HS3ST4: variants seen among roughly 807,000 people sequenced by gnomAD.
HS3ST4 encodes heparan sulfate-glucosamine 3-sulfotransferase 4.
A neutral mutation model predicts 29.2 loss-of-function variants in HS3ST4; 17 were observed. The observed-to-expected ratio is 0.58, with a 90% CI of 0.40 to 0.87. The LOEUF (loss-of-function observed/expected upper bound fraction) is 0.87. HS3ST4 is among the 40% of genes least tolerant of loss of function. The pLI, the probability that HS3ST4 is intolerant of heterozygous loss-of-function variation, is 0.00. For missense variants in HS3ST4, 627 were observed against 634.5 expected (o/e 0.99, Z 0.13); for synonymous variants, 314 against 285.7 (o/e 1.10, Z -1.00).
intron 1 of HS3ST4, among the ~76,000 whole-genome samples, chr16:25,946,204 G>T (rs754837412): frequency 2.3e-4 from 35 of 152,194 alleles, no homozygotes; most frequent in Non-Finnish European, 4.4e-4. Flanking sequence ...TCCAATTGCA[G>T]GAGGCTTTTG....
At chr16:25,925,307 C>G (rs1299823820) in intron 1 of HS3ST4, among the ~76,000 whole-genome samples, 4 of 151,924 alleles carry the variant, frequency 2.6e-5, no homozygotes, top group Admixed American at 1.3e-4. Flanking sequence ...GACTCTAACC[C>G]TGTCTGTTAA....
intron 1 of HS3ST4, among the ~76,000 whole-genome samples, chr16:25,907,573 C>T (rs1968191647): frequency 6.6e-6 from 1 of 152,176 alleles, no homozygotes; most frequent in Non-Finnish European, 1.5e-5. Context: ...CATGGCTGGA[C>T]AGCTCAAAGC....
chr16:26,057,873 G>A (rs1898428364), intron 1 of HS3ST4, among the ~76,000 whole-genome samples: 1 of 152,192 alleles, frequency 6.6e-6, no homozygotes, highest in South Asian at 2.1e-4. Context: ...ATGCAGGTCT[G>A]GGCCAGGTAA....
At chr16:25,729,191 C>G (rs987801629) in intron 1 of HS3ST4, among the ~76,000 whole-genome samples, 2 of 152,090 alleles carry the variant, frequency 1.3e-5, no homozygotes, top group African/African-American at 4.8e-5. Context: ...GAGTGACAAA[C>G]CAAGAAATCC....
intron 1 of HS3ST4, among the ~76,000 whole-genome samples, chr16:26,077,708 A>G (rs535913608): frequency 1.2e-4 from 19 of 152,356 alleles, no homozygotes; most frequent in African/African-American, 3.8e-4. Context: ...AATGCAGTCA[A>G]TACAAAGGAC....
chr16:26,119,623 T>C (rs1268372123), intron 1 of HS3ST4, among the ~76,000 whole-genome samples: 1 of 152,134 alleles, frequency 6.6e-6, no homozygotes, highest in Non-Finnish European at 1.5e-5. Context: ...TGGGTATAAT[T>C]CTCTGCCTCA....
At chr16:25,783,420 A>G (rs1966854451) in intron 1 of HS3ST4, among the ~76,000 whole-genome samples, 2 of 152,098 alleles carry the variant, frequency 1.3e-5, no homozygotes, top group African/African-American at 4.8e-5. Flanking sequence ...GTTGTCATTG[A>G]AAATCACTTT....
chr16:26,074,163 C>G (rs1003859982), intron 1 of HS3ST4, among the ~76,000 whole-genome samples: 1 of 152,158 alleles, frequency 6.6e-6, no homozygotes, highest in Non-Finnish European at 1.5e-5. Context: ...ATACTCAGGA[C>G]CCTCTGAGGG....
intron 1 of HS3ST4, among the ~76,000 whole-genome samples, chr16:26,008,848 C>T (rs1969283005): frequency 6.6e-6 from 1 of 152,076 alleles, no homozygotes; most frequent in Non-Finnish European, 1.5e-5. Context: ...ACCCAAGATA[C>T]CAAGAGAGCA....
At chr16:26,135,488 A>C in intron 1 of HS3ST4, 124 bp from the exon 2 acceptor site, 2 of 941,692 alleles carry the variant, frequency 2.1e-6, no homozygotes, top group Non-Finnish European at 3.1e-6. Flanking sequence ...AGAACTTGCA[A>C]GAGTTTATCA....
intron 1 of HS3ST4, among the ~76,000 whole-genome samples, chr16:25,830,389 G>A (rs1048363938): frequency 4.6e-5 from 7 of 152,024 alleles, no homozygotes; most frequent in African/African-American, 1.4e-4. Flanking sequence ...AGAATCATAC[G>A]ATGTGTCCTG....
chr16:25,717,204 G>T (rs996296617), intron 1 of HS3ST4, among the ~76,000 whole-genome samples: 1 of 152,156 alleles, frequency 6.6e-6, no homozygotes, highest in Non-Finnish European at 1.5e-5. Context: ...AAATTATTCG[G>T]ACATGAATTC....
intron 1 of HS3ST4, among the ~76,000 whole-genome samples, chr16:26,083,696 C>T (rs1437821224): frequency 2.6e-5 from 4 of 151,644 alleles, no homozygotes; most frequent in Non-Finnish European, 5.9e-5. Context: ...TCTAGACAGA[C>T]ACAGGCTGAC....
chr16:26,089,882 C>A (rs1898833321), intron 1 of HS3ST4, among the ~76,000 whole-genome samples: 1 of 152,168 alleles, frequency 6.6e-6, no homozygotes, highest in Non-Finnish European at 1.5e-5. Flanking sequence ...GTGCTTGAAT[C>A]TTCTGTAGAC....
intron 1 of HS3ST4, among the ~76,000 whole-genome samples, chr16:25,873,417 C>CCATCCATTTGT (rs1555470002): frequency 9.7e-6 from 1 of 103,248 alleles, no homozygotes; most frequent in Non-Finnish European, 2.1e-5. Context: ...CATCCATCCA[C>CCATCCATTTGT]CCATCCATCC....
intron 1 of HS3ST4, among the ~76,000 whole-genome samples, chr16:26,017,208 C>T (rs1309795641): frequency 2.0e-5 from 3 of 152,122 alleles, no homozygotes; most frequent in African/African-American, 7.2e-5. Flanking sequence ...ATAACAAAAT[C>T]CTAAAACATT....
intron 1 of HS3ST4, among the ~76,000 whole-genome samples, chr16:26,048,601 G>A (rs1898297331): frequency 6.6e-6 from 1 of 152,108 alleles, no homozygotes; most frequent in African/African-American, 2.4e-5. Context: ...AGGATCCTGG[G>A]CCTTGAGAGG....
chr16:26,046,650 T>G (rs1596661990), intron 1 of HS3ST4, among the ~76,000 whole-genome samples: 1 of 152,178 alleles, frequency 6.6e-6, no homozygotes, highest in Non-Finnish European at 1.5e-5. Flanking sequence ...TGTGGCTCTT[T>G]AAGACTCAGG....
At chr16:26,093,572 A>T (rs1898884336) in intron 1 of HS3ST4, among the ~76,000 whole-genome samples, 1 of 152,188 alleles carries the variant, frequency 6.6e-6, no homozygotes, top group South Asian at 2.1e-4. Flanking sequence ...ATCAACATCA[A>T]CAAAAAGGAC....
Sources: gnomAD v4.1 joint callset for allele counts (sites outside exome capture counted in the v4.1 genomes callset) on GRCh38, gnomAD v4.1.1 for gene constraint, MANE v1.5 for transcripts, NCBI Gene and HGNC (gene_info 2026-07-23, HGNC 2026-07-21) for gene names.